ATG4C: variants seen among roughly 807,000 people sequenced by gnomAD.
ATG4C encodes cysteine protease ATG4C.
In ATG4C, 56 loss-of-function variants were observed where a neutral mutation model predicts 57.6. The ratio of observed to expected loss-of-function variants is 0.97; its 90% CI spans 0.78 to 1.21. The LOEUF is 1.21. ATG4C is among the 50% of genes most tolerant of loss of function. ATG4C has a pLI of 0.00. For missense variants in ATG4C, 595 were observed against 529.8 expected (o/e 1.12, Z -1.21); for synonymous variants, 157 against 174.1 (o/e 0.90, Z 0.78).
chr1:62,809,489 T>A (rs911313039), intron 3 of ATG4C, among the ~76,000 whole-genome samples: 1 of 147,468 alleles, frequency 6.8e-6, no homozygotes, highest in African/African-American at 2.5e-5. Context: ...ACATATATAG[T>A]GTATATAATA....
intron 6 of ATG4C, among the ~76,000 whole-genome samples, chr1:62,826,552 TA>T (rs1665662811): frequency 6.6e-6 from 1 of 152,068 alleles, no homozygotes; most frequent in Non-Finnish European, 1.5e-5. Flanking sequence ...TCCCTATTTT[TA>T]CAGTTACTAC....
chr1:62,807,884 CT>C (rs1293065525), intron 3 of ATG4C, among the ~76,000 whole-genome samples: 11 of 152,320 alleles, frequency 7.2e-5, no homozygotes, highest in African/African-American at 2.2e-4. Context: ...CTGGAACCTA[CT>C]TTGATGATTG....
chr1:62,801,774 C>T (rs1030378107), intron 1 of ATG4C, among the ~76,000 whole-genome samples: 6 of 151,654 alleles, frequency 4.0e-5, no homozygotes, highest in African/African-American at 4.8e-5. Context: ...CTGGCTAACA[C>T]GGTGAAAACC....
At chr1:62,807,962 T>C (rs1664936206) in intron 3 of ATG4C, among the ~76,000 whole-genome samples, 1 of 152,142 alleles carries the variant, frequency 6.6e-6, no homozygotes, top group South Asian at 2.1e-4. Flanking sequence ...TAACTTCAGG[T>C]AGTTAGTTCA....
intron 10 of ATG4C, among the ~76,000 whole-genome samples, chr1:62,848,867 A>G (rs1385083623): frequency 6.6e-6 from 1 of 152,230 alleles, no homozygotes; most frequent in African/African-American, 2.4e-5. Flanking sequence ...TTAATCTAGA[A>G]CAGTTAATCA....
chr1:62,833,422 A>C (rs2100336565), intron 7 of ATG4C, among the ~76,000 whole-genome samples: 1 of 152,304 alleles, frequency 6.6e-6, no homozygotes, highest in South Asian at 2.1e-4. Flanking sequence ...GGGGTGTATT[A>C]AATAATTTAT....
At chr1:62,785,224 T>C (rs915280409) in intron 1 of ATG4C, 3 of 152,330 alleles carry the variant, frequency 2.0e-5, no homozygotes, top group Non-Finnish European at 4.4e-5. Context: ...TTATGAGCCA[T>C]TGAGAATACC....
intron 10 of ATG4C, among the ~76,000 whole-genome samples, chr1:62,850,535 T>C (rs1443305985): frequency 6.6e-6 from 1 of 152,160 alleles, no homozygotes; most frequent in Non-Finnish European, 1.5e-5. Flanking sequence ...GCTGCCTCTT[T>C]GAACTCATTC....
chr1:62,819,949 G>A (rs924269022), intron 5 of ATG4C, among the ~76,000 whole-genome samples: 1 of 151,856 alleles, frequency 6.6e-6, no homozygotes, highest in Admixed American at 6.6e-5. Context: ...TTATTTGTGT[G>A]TGTATCCCAT....
In ATG4C at chr1:62,864,051, C is replaced by T; in HGVS notation, c.1269C>T (p.Ser423=). The change falls in exon 11 of 11, where the codon TCC becomes TCT. Residue 423 remains serine, a synonymous_variant. Coordinates refer to ENST00000317868, the MANE Select transcript of ATG4C (RefSeq NM_032852.4). ...YPLFTFVNGH[S]RDYDFTSTTT... is the part of the protein sequence containing the mutation. ...TATTTACTTTTGTAAATGGTCATTC[C>T]AGAGACTATGATTTTACATCTACTA... 1.9e-6 allele frequency: 3 copies of T among 1,598,342 alleles called. No individual in the cohort carries two copies. The highest frequency in any genetic ancestry group is 2.6e-6 in the Non-Finnish European group (3 of 1,173,774).
At chr1:62,837,120 A>G (rs1319637957) in intron 9 of ATG4C, among the ~76,000 whole-genome samples, 1 of 151,990 alleles carries the variant, frequency 6.6e-6, no homozygotes, top group Non-Finnish European at 1.5e-5. Context: ...CTGTGATTCC[A>G]AGTGTTTTGA....
chr1:62,835,996 A>G (rs1369768946), intron 9 of ATG4C, among the ~76,000 whole-genome samples: 2 of 152,102 alleles, frequency 1.3e-5, no homozygotes, highest in African/African-American at 4.8e-5. Context: ...TGAGATTTAG[A>G]TGGAAAATTG....
chr1:62,822,361 T>G (rs1665509560), intron 6 of ATG4C, among the ~76,000 whole-genome samples: 1 of 152,126 alleles, frequency 6.6e-6, no homozygotes, highest in Admixed American at 6.6e-5. Flanking sequence ...GATAAGTATA[T>G]GAGTTTTGCA....
chr1:62,835,146 C>T (rs561444747), intron 9 of ATG4C, among the ~76,000 whole-genome samples: 22 of 147,064 alleles, frequency 1.5e-4, no homozygotes, highest in African/African-American at 5.3e-4. Context: ...ATAGAGACAG[C>T]TAAACAGTAC....
At chr1:62,822,943 C>G (rs796707623) in intron 6 of ATG4C, among the ~76,000 whole-genome samples, 11 of 152,212 alleles carry the variant, frequency 7.2e-5, no homozygotes, top group African/African-American at 2.6e-4. Flanking sequence ...TCACTTGAGC[C>G]CAGCAGTTCA....
chr1:62,845,565 A>G (rs1399951042), intron 10 of ATG4C, among the ~76,000 whole-genome samples: 3 of 152,316 alleles, frequency 2.0e-5, no homozygotes, highest in Non-Finnish European at 2.9e-5. Flanking sequence ...ATATAGTCAA[A>G]TTAATAATAC....
chr1:62,833,981 G>C, intron 7 of ATG4C, 57 bp from the exon 8 acceptor site: 1 of 1,470,602 alleles, frequency 6.8e-7, no homozygotes, highest in South Asian at 1.2e-5. Flanking sequence ...AAATTTGTTT[G>C]CTTTGAATAA....
At chr1:62,861,577 ACACACACACAC>A (rs1288016997) in intron 10 of ATG4C, among the ~76,000 whole-genome samples, 2 of 14,980 alleles carry the variant, frequency 1.3e-4, no homozygotes, top group African/African-American at 8.4e-4. Flanking sequence ...GGAAAATAGA[ACACACACACAC>A]ACACACACAC....
At chr1:62,862,822 G>A (rs1415431660) in intron 10 of ATG4C, among the ~76,000 whole-genome samples, 1 of 151,992 alleles carries the variant, frequency 6.6e-6, no homozygotes, top group Non-Finnish European at 1.5e-5. Flanking sequence ...AATGTAATAT[G>A]TAAGAAATTG....
Sources: allele counts gnomAD v4.1 joint callset (sites outside exome capture counted in the v4.1 genomes callset), GRCh38; gene constraint gnomAD v4.1.1; transcripts MANE v1.5; gene names NCBI Gene and HGNC (gene_info 2026-07-23, HGNC 2026-07-21).